IPO5: variants seen among roughly 807,000 people sequenced by gnomAD.
IPO5 encodes importin 5, also known as importin-5.
Under a neutral mutation model 143.3 loss-of-function variants are expected in IPO5, and 18 were observed. That is an observed-to-expected ratio of 0.13 (90% CI 0.09 to 0.19). The LOEUF is 0.19. Among genes scored for constraint, IPO5 ranks in the 10% least tolerant of loss-of-function variants. The probability of loss-of-function intolerance (pLI) is 1.00; values close to 1 mark genes in which losing one functional copy is unlikely to be tolerated. For synonymous variants in IPO5, 477 were observed against 465.7 expected, an observed-to-expected ratio of 1.02 and a Z score of -0.31; for missense variants, 1,013 against 1,336.9, an observed-to-expected ratio of 0.76 and a Z score of 3.78.
chr13:97,958,315 G>A (rs1227699528), intron 2 of IPO5, among the ~76,000 whole-genome samples: 1 of 152,024 alleles, frequency 6.6e-6, no homozygotes, highest in East Asian at 1.9e-4. Flanking sequence ...AAAGTGCCAC[G>A]AAGGAAACCC....
At chr13:97,999,200 C>A (rs919375562) in intron 12 of IPO5, among the ~76,000 whole-genome samples, 7 of 152,028 alleles carry the variant, frequency 4.6e-5, no homozygotes, top group African/African-American at 1.7e-4. Context: ...GTATAAACTA[C>A]TAGGTTAATA....
At chr13:98,004,363 C>T (rs1889042875) in intron 16 of IPO5, among the ~76,000 whole-genome samples, 1 of 152,170 alleles carries the variant, frequency 6.6e-6, no homozygotes, top group Non-Finnish European at 1.5e-5. Context: ...TATCAGATGA[C>T]AGCAGACTAA....
At chr13:97,979,581 C>T (rs1594052033) in intron 4 of IPO5, among the ~76,000 whole-genome samples, 4 of 152,258 alleles carry the variant, frequency 2.6e-5, no homozygotes, top group Admixed American at 2.6e-4. Context: ...GTATTTATCA[C>T]TAGACATTTT....
chr13:97,983,536 C>CT, intron 5 of IPO5, among the ~76,000 whole-genome samples: 1 of 40,608 alleles, frequency 2.5e-5, no homozygotes, highest in Non-Finnish European at 5.0e-5. Flanking sequence ...TAGCTAATTC[C>CT]ACCCCCCCCC....
In IPO5 at chr13:97,993,032, G is replaced by A; in HGVS notation, c.792+18G>A. On this transcript the variant is annotated intron_variant, in intron 10 of 28. Transcript: ENST00000651721. Reference sequence around the variant, plus strand: ...GTCTAAAGGTAAATTAAGTACGTTAGTAAACGTTCTGTTTGTTATTTTCAG... The same window carrying A: ...GTCTAAAGGTAAATTAAGTACGTTAATAAACGTTCTGTTTGTTATTTTCAG... The A allele has an allele frequency of 6.2e-7, 1 of 1,611,682 alleles. No individual in the cohort carries two copies. Among genetic ancestry groups the A allele is most frequent in the South Asian group, 1.1e-5 (1 of 90,868 alleles).
intron 2 of IPO5, among the ~76,000 whole-genome samples, chr13:97,967,064 T>A (rs1453456215): frequency 1.3e-5 from 2 of 152,168 alleles, no homozygotes; most frequent in Non-Finnish European, 2.9e-5. Context: ...ATAAAATAAC[T>A]AATTCAATAG....
At chr13:98,003,495 G>A (rs1270989941) in intron 16 of IPO5, among the ~76,000 whole-genome samples, 4 of 152,162 alleles carry the variant, frequency 2.6e-5, no homozygotes, top group Non-Finnish European at 5.9e-5. Flanking sequence ...AGTGGAAGAG[G>A]TGATTCTAAA....
At chr13:97,977,489 C>G (rs1369838898) in intron 4 of IPO5, among the ~76,000 whole-genome samples, 1 of 152,178 alleles carries the variant, frequency 6.6e-6, no homozygotes, top group African/African-American at 2.4e-5. Context: ...ATTTTCTTTG[C>G]TCTCTAGAGA....
intron 6 of IPO5, among the ~76,000 whole-genome samples, chr13:97,986,092 G>T (rs1036574465): frequency 1.3e-5 from 2 of 151,754 alleles, no homozygotes; most frequent in Non-Finnish European, 2.9e-5. Context: ...TCCAGCCTGG[G>T]CAACAAAGCA....
intron 16 of IPO5, among the ~76,000 whole-genome samples, chr13:98,004,944 G>T (rs1320615170): frequency 3.3e-5 from 5 of 151,770 alleles, no homozygotes; most frequent in Non-Finnish European, 7.4e-5. Context: ...CGCCCAGGCT[G>T]GAGTGCGATA....
At chr13:97,992,786 ATAGTT>A (rs896248718) in intron 9 of IPO5, 101 bp from the exon 10 acceptor site, 3 of 1,180,148 alleles carry the variant, frequency 2.5e-6, no homozygotes, top group Non-Finnish European at 3.6e-6. Context: ...TTAGTGAAAA[ATAGTT>A]TAGTAATATT....
In IPO5 at chr13:97,992,888, C is replaced by G. The variant is rs1887917062; in HGVS notation, c.670-4C>G. The G allele has an allele frequency of 6.2e-7, 1 of 1,606,050 alleles. No homozygotes were observed. Among genetic ancestry groups the G allele is most frequent in the Non-Finnish European group, 8.5e-7 (1 of 1,174,980 alleles). On this transcript the variant is annotated splice_region_variant and splice_polypyrimidine_tract_variant and intron_variant, in intron 9 of 28. Transcript: ENST00000651721. Reference sequence around the variant, plus strand: ...GCACCGACTTTCTGTTTCATCTTTTCTAGGCGGTAAATGACTCGTGCTACC... The same window carrying G: ...GCACCGACTTTCTGTTTCATCTTTTGTAGGCGGTAAATGACTCGTGCTACC...
chr13:97,978,745 T>C (rs1465635917), intron 4 of IPO5, among the ~76,000 whole-genome samples: 1 of 152,196 alleles, frequency 6.6e-6, no homozygotes, highest in Non-Finnish European at 1.5e-5. Context: ...TAAGTCTCTA[T>C]TGTCAAGCCT....
At chr13:98,000,741 G>A in intron 13 of IPO5, 96 bp downstream of exon 13, 1 of 785,244 alleles carries the variant, frequency 1.3e-6, no homozygotes, top group East Asian at 2.6e-5. Flanking sequence ...ATTAATCTTT[G>A]TCTTTTTATC....
At chr13:97,970,575 C>A (rs547019775) in intron 3 of IPO5, among the ~76,000 whole-genome samples, 1 of 152,086 alleles carries the variant, frequency 6.6e-6, no homozygotes, top group Non-Finnish European at 1.5e-5. Flanking sequence ...GAGCTGAAAT[C>A]GTGCCACTGC....
intron 6 of IPO5, among the ~76,000 whole-genome samples, chr13:97,987,705 G>T (rs551553099): frequency 2.2e-4 from 34 of 152,238 alleles, no homozygotes; most frequent in African/African-American, 7.9e-4. Context: ...GTTTCACCCT[G>T]TTTGCCAGCC....
chr13:98,018,723 T>C lies in IPO5; in HGVS notation c.2836+19T>C, dbSNP rs1467986887. ...TGTACAGGTACGTTTGCTTATTCCG[T>C]TACGTGCATTTCATTCCAGACATCC... On this transcript the variant is annotated intron_variant, in intron 26 of 28. Transcript: ENST00000651721. 5 of 1,563,958 alleles carry C rather than the reference T, an allele frequency of 3.2e-6. No individual in the cohort carries two copies. Among genetic ancestry groups the C allele is most frequent in the Non-Finnish European group, 4.4e-6 (5 of 1,134,984 alleles).
chr13:97,990,349 A>C, intron 8 of IPO5, 84 bp from the exon 9 acceptor site: 10 of 1,206,064 alleles, frequency 8.3e-6, no homozygotes, highest in Non-Finnish European at 1.2e-5. Context: ...ACTGATAAAG[A>C]ATAATTTGAT....
intron 2 of IPO5, among the ~76,000 whole-genome samples, chr13:97,968,262 T>A (rs1317915772): frequency 6.6e-6 from 1 of 152,240 alleles, no homozygotes; most frequent in Non-Finnish European, 1.5e-5. Flanking sequence ...TTGGTTTCAA[T>A]CCTTTAAAAT....
Sources: gnomAD v4.1 joint callset for allele counts (sites outside exome capture counted in the v4.1 genomes callset) on GRCh38, gnomAD v4.1.1 for gene constraint, MANE v1.5 for transcripts, NCBI Gene and HGNC (gene_info 2026-07-23, HGNC 2026-07-21) for gene names.